IFT74: variants seen among roughly 807,000 people sequenced by gnomAD.
The protein encoded by IFT74 is intraflagellar transport 74.
Under a neutral mutation model 96.7 loss-of-function variants are expected in IFT74, and 92 were observed. The ratio of observed to expected loss-of-function variants is 0.95; its 90% CI spans 0.80 to 1.13. The LOEUF is 1.13. Among genes scored for constraint, IFT74 ranks in the 50% most tolerant of loss-of-function variants. The pLI is 0.00. For missense variants in IFT74, 811 were observed against 698.2 expected, an observed-to-expected ratio of 1.16 and a Z score of -1.82; for synonymous variants, 223 against 213.2, an observed-to-expected ratio of 1.05 and a Z score of -0.40.
At chr9:26,997,030 G>A (rs1406159958) in intron 8 of IFT74, among the ~76,000 whole-genome samples, 8 of 151,960 alleles carry the variant, frequency 5.3e-5, no homozygotes, top group African/African-American at 1.9e-4. Context: ...GACAAACATG[G>A]AGGAAGCCCA....
intron 5 of IFT74, 52 bp downstream of exon 5, chr9:26,984,407 A>G (rs1563950582): frequency 6.3e-7 from 1 of 1,578,212 alleles, no homozygotes; most frequent in African/African-American, 1.4e-5. Context: ...TATAATACTA[A>G]CTTTGTAGCT....
intron 10 of IFT74, among the ~76,000 whole-genome samples, chr9:27,015,717 T>G (rs375128330): frequency 6.6e-6 from 1 of 152,258 alleles, no homozygotes. Flanking sequence ...AATGTCACTG[T>G]TAACTCTTAT....
chr9:26,982,999 C>T (rs1308077518), intron 4 of IFT74, among the ~76,000 whole-genome samples: 1 of 152,194 alleles, frequency 6.6e-6, no homozygotes, highest in Admixed American at 6.5e-5. Context: ...TCTCCATCTT[C>T]CCATTTTACT....
chr9:26,953,193 T>C (rs1825986865), upstream of IFT74, among the ~76,000 whole-genome samples: 1 of 152,154 alleles, frequency 6.6e-6, no homozygotes, highest in Non-Finnish European at 1.5e-5. Flanking sequence ...AAGGTTTTTT[T>C]CCCCCTTCAT....
rs567006369 is a variant in IFT74, at chr9:26,995,645, A to G, written c.587+5450A>G. On this transcript the variant is annotated intron_variant, in intron 8 of 19. Coordinates refer to ENST00000380062, the MANE Select transcript of IFT74 (RefSeq NM_025103.4). ...AGTTTCTTCAGAGTTTGTTTCTGGT[A>G]TCTGTGAAAGAGAGCTTGGATTTCC... The G allele has an allele frequency of 2.5e-5, 41 of 1,613,820 alleles. No individual in the cohort carries two copies. In the South Asian group the frequency reaches 4.3e-4, roughly 17 times the overall value.
intron 10 of IFT74, among the ~76,000 whole-genome samples, chr9:27,015,854 G>GC (rs1829316935): frequency 6.6e-6 from 1 of 152,190 alleles, no homozygotes. Flanking sequence ...TAAATAACAT[G>GC]TAGTATAGTG....
Position 26,978,389 on chromosome 9 carries a change from T to A in IFT74, c.256+126T>A, listed in dbSNP as rs114702621. On this transcript the variant is annotated intron_variant, in intron 3 of 19. Transcript: ENST00000380062. ...AATAAGTATTACAGTACCATTTTTT[T>A]AAATCAGGATTATAGCATGTAAGAA... 2,703 of 875,094 alleles carry A rather than the reference T, an allele frequency of 3.1e-3. 48 individuals are homozygous for A. In the African/African-American group the frequency reaches 0.04, roughly 13 times the overall value. 54.2% of individuals were successfully genotyped at this position (875,094 alleles called of 1,614,324 possible).
intron 3 of IFT74, among the ~76,000 whole-genome samples, chr9:26,979,344 A>G (rs1465883829): frequency 6.6e-6 from 1 of 152,184 alleles, no homozygotes. Context: ...TATATGTTTA[A>G]TAGTATTTTA....
chr9:26,961,722 A>G (rs536657237), intron 1 of IFT74, among the ~76,000 whole-genome samples: 1 of 152,142 alleles, frequency 6.6e-6, no homozygotes, highest in Non-Finnish European at 1.5e-5. Context: ...AGGGGCTTGC[A>G]TTTTGGTAAG....
Position 27,048,198 on chromosome 9 carries a change from G to A in IFT74, c.1257G>A (p.Lys419=). 2 of 1,598,830 alleles carry A rather than the reference G, an allele frequency of 1.3e-6. No homozygotes were observed. The highest frequency in any genetic ancestry group is 1.1e-5 in the South Asian group (1 of 90,252). The change falls in exon 16 of 20, where the codon AAG becomes AAA. Residue 419 remains lysine (K), a synonymous_variant. Transcript: ENST00000380062. ...CCTCTATCACCAATCAAGAGCTAAA[G>A]ATGATGCAGGATGACCTCAATTTTA... ...QISSITNQEL[K]MMQDDLNFKS... is the part of the protein sequence containing the mutation.
In IFT74 at chr9:27,016,354, G is replaced by A. The variant is rs1246837747; in HGVS notation, c.790-553G>A. ...AAAGGGCACCATCATATTGGATTAG[G>A]GCCCACCCCTAATGACCATATCTTA... On this transcript the variant is annotated intron_variant, in intron 10 of 19. Transcript: ENST00000380062. 4.6e-5 allele frequency among the ~76,000 whole-genome samples: 7 copies of A among 152,034 alleles called. No individual in the cohort carries two copies. The East Asian group carries it at 5.8e-4, about 13-fold the overall frequency.
chr9:26,970,958 G>A (rs1826852165), intron 2 of IFT74, among the ~76,000 whole-genome samples: 2 of 152,172 alleles, frequency 1.3e-5, no homozygotes, highest in South Asian at 4.1e-4. Context: ...TGAAGAGGGT[G>A]GATGCCAAGG....
chr9:26,976,934 A>G (rs187319593), intron 2 of IFT74, among the ~76,000 whole-genome samples: 1 of 152,312 alleles, frequency 6.6e-6, no homozygotes. Flanking sequence ...TAGTACTTAC[A>G]TGGTCATCTT....
chr9:27,016,527 A>C (rs1386773678), intron 10 of IFT74, among the ~76,000 whole-genome samples: 1 of 152,210 alleles, frequency 6.6e-6, no homozygotes, highest in East Asian at 1.9e-4. Context: ...ATTTAGGGAA[A>C]AATATCTTCT....
chr9:26,967,628 TGTTGAATAACAGTGGTG>T (rs1410622440), intron 2 of IFT74, among the ~76,000 whole-genome samples: 2 of 152,184 alleles, frequency 1.3e-5, no homozygotes, highest in Non-Finnish European at 2.9e-5. Flanking sequence ...TCCAGTACTG[TGTTGAATAACAGTGGTG>T]AAAGTGGGCA....
chr9:27,054,812 G>A (rs930947853), intron 16 of IFT74, among the ~76,000 whole-genome samples: 4 of 152,130 alleles, frequency 2.6e-5, no homozygotes, highest in Non-Finnish European at 5.9e-5. Flanking sequence ...AGTATATTTA[G>A]TGGCATGTTT....
intron 4 of IFT74, among the ~76,000 whole-genome samples, chr9:26,982,896 A>G (rs1827450716): frequency 1.3e-5 from 2 of 152,076 alleles, no homozygotes; most frequent in South Asian, 2.1e-4. Context: ...TCGGCCTCAT[A>G]AACTTTTGTT....
chr9:27,036,944 C>A, intron 13 of IFT74: 1 of 514,978 alleles, frequency 1.9e-6, no homozygotes, highest in Non-Finnish European at 2.5e-6. Flanking sequence ...ACTGGTCGGG[C>A]ACAGTGGCTC....
At chr9:26,980,011 G>A (rs931989066) in intron 3 of IFT74, among the ~76,000 whole-genome samples, 19 of 152,086 alleles carry the variant, frequency 1.2e-4, no homozygotes, top group Admixed American at 7.2e-4. Flanking sequence ...CACCGTGCCC[G>A]GCCAGGAATA....
Sources: gnomAD v4.1 joint callset for allele counts (sites outside exome capture counted in the v4.1 genomes callset) on GRCh38, gnomAD v4.1.1 for gene constraint, MANE v1.5 for transcripts, NCBI Gene and HGNC (gene_info 2026-07-23, HGNC 2026-07-21) for gene names.